The following RABGAP1L variants were observed in gnomAD, a reference collection of about 807,000 sequenced individuals.
The protein encoded by RABGAP1L is RAB GTPase activating protein 1 like, also known as rab GTPase-activating protein 1-like.
In RABGAP1L, 63 loss-of-function variants were observed where a neutral mutation model predicts 137.7. That is an observed-to-expected ratio of 0.46 (90% CI 0.37 to 0.56). The LOEUF (loss-of-function observed/expected upper bound fraction) is 0.56. Among genes scored for constraint, RABGAP1L ranks in the 20% least tolerant of loss-of-function variants. The pLI is 0.00. For missense variants in RABGAP1L, 1,095 were observed against 1,244.0 expected (o/e 0.88, Z 1.80); for synonymous variants, 431 against 433.7 (o/e 0.99, Z 0.08).
At chr1:174,278,890 G>C (rs1471803342) in intron 10 of RABGAP1L, 111 bp downstream of exon 10, 2 of 949,462 alleles carry the variant, frequency 2.1e-6, no homozygotes, top group Admixed American at 6.1e-5. Context: ...ATTCCTCAAA[G>C]AAATCAAATG....
intron 13 of RABGAP1L, among the ~76,000 whole-genome samples, chr1:174,619,124 G>A (rs1672195788): frequency 6.6e-6 from 1 of 152,190 alleles, no homozygotes; most frequent in African/African-American, 2.4e-5. Flanking sequence ...AAGCCTCCAA[G>A]AAATATGGGA....
intron 19 of RABGAP1L, among the ~76,000 whole-genome samples, chr1:174,901,986 GT>G (rs1658218163): frequency 6.6e-6 from 1 of 152,176 alleles, no homozygotes; most frequent in Non-Finnish European, 1.5e-5. Flanking sequence ...AGTTGCCTCA[GT>G]TTTTCCTGTA....
intron 13 of RABGAP1L, among the ~76,000 whole-genome samples, chr1:174,419,706 T>A (rs188609804): frequency 6.6e-6 from 1 of 152,342 alleles, no homozygotes; most frequent in East Asian, 1.9e-4. Context: ...GAGCTAAAGT[T>A]ACTTGCCTTA....
At chr1:174,387,265 C>T (rs1686871923) in intron 12 of RABGAP1L, among the ~76,000 whole-genome samples, 1 of 152,154 alleles carries the variant, frequency 6.6e-6, no homozygotes, top group African/African-American at 2.4e-5. Context: ...TCTTAATCAT[C>T]TATTCTTTCT....
rs959906522 is a variant in RABGAP1L at position 174,567,686 on chromosome 1, A to G, written c.1711-69689A>G. 4.6e-5 allele frequency among the ~76,000 whole-genome samples: 7 copies of G among 152,190 alleles called. 1 individual carries two copies. The East Asian group carries it at 7.7e-4, about 17-fold the overall frequency. ...TATAAGTGCTATTTGGCTGTTTGCT[A>G]TCATTGTTATTAGTTGATGAGAGCT... On this transcript the variant is annotated intron_variant, in intron 13 of 25. Transcript: ENST00000681986.
At chr1:174,230,709 C>G (rs1024676505) in intron 3 of RABGAP1L, among the ~76,000 whole-genome samples, 2 of 152,098 alleles carry the variant, frequency 1.3e-5, no homozygotes, top group Non-Finnish European at 2.9e-5. Flanking sequence ...GAATTTACAG[C>G]TATCTGGGAA....
At chr1:174,550,993 T>TACATATATATATATATATATATAC (rs1553330258) in intron 13 of RABGAP1L, among the ~76,000 whole-genome samples, 1 of 64,472 alleles carries the variant, frequency 1.6e-5, no homozygotes, top group Admixed American at 1.5e-4. Flanking sequence ...CATATATATA[T>TACATATATATATATATATATATAC]ATACACATAT....
chr1:174,660,606 C>T (rs1382930932), intron 14 of RABGAP1L, among the ~76,000 whole-genome samples: 1 of 152,176 alleles, frequency 6.6e-6, no homozygotes, highest in Non-Finnish European at 1.5e-5. Flanking sequence ...CGGTGATTTA[C>T]CAGGCTGTAA....
intron 3 of RABGAP1L, among the ~76,000 whole-genome samples, chr1:174,228,700 C>T (rs1670387306): frequency 6.6e-6 from 1 of 152,004 alleles, no homozygotes; most frequent in African/African-American, 2.4e-5. Flanking sequence ...GGTGAAGTTG[C>T]ATATTTTAGT....
Position 174,677,085 on chromosome 1 carries a change from G to A in RABGAP1L, c.1825-6437G>A, listed in dbSNP as rs554079771. ...GCGTGTAATCCAAGCACTCTGGATG[G>A]CTGAGGCAGAAGGAACACTTGAATT... On this transcript the variant is annotated intron_variant, in intron 14 of 25. Coordinates refer to ENST00000681986, the MANE Select transcript of RABGAP1L (RefSeq NM_001366446.1). 1.8e-4 allele frequency among the ~76,000 whole-genome samples: 27 copies of A among 150,956 alleles called. No homozygotes were observed. The South Asian group carries it at 5.2e-3, about 29-fold the overall frequency.
intron 11 of RABGAP1L, among the ~76,000 whole-genome samples, chr1:174,344,681 TGA>T (rs1216267018): frequency 1.3e-5 from 2 of 152,198 alleles, no homozygotes; most frequent in Non-Finnish European, 2.9e-5. Context: ...GGAAACAGGC[TGA>T]GTGACTGATT....
intron 1 of RABGAP1L, among the ~76,000 whole-genome samples, chr1:174,168,339 A>G (rs952214548): frequency 6.6e-6 from 1 of 151,942 alleles, no homozygotes; most frequent in African/African-American, 2.4e-5. Flanking sequence ...TGAAAAATCA[A>G]CCATTGAAGG....
chr1:174,973,347 G>A (rs1009028566), intron 21 of RABGAP1L, among the ~76,000 whole-genome samples: 2 of 151,046 alleles, frequency 1.3e-5, no homozygotes, highest in Non-Finnish European at 3.0e-5. Context: ...CCTCGGGGAA[G>A]TGTTTTTCCC....
intron 19 of RABGAP1L, among the ~76,000 whole-genome samples, chr1:174,941,649 G>A (rs920954409): frequency 6.6e-6 from 1 of 151,656 alleles, no homozygotes; most frequent in Non-Finnish European, 1.5e-5. Context: ...AGTCTTTGGA[G>A]GCACTGATAT....
intron 17 of RABGAP1L, among the ~76,000 whole-genome samples, chr1:174,732,213 A>C (rs1367493909): frequency 6.6e-6 from 1 of 151,512 alleles, no homozygotes; most frequent in South Asian, 2.1e-4. Flanking sequence ...AAAAAAAAAA[A>C]CATGGATTGT....
At chr1:174,274,652 G>C (rs1674827236) in intron 8 of RABGAP1L, among the ~76,000 whole-genome samples, 1 of 150,492 alleles carries the variant, frequency 6.6e-6, no homozygotes, top group African/African-American at 2.5e-5. Flanking sequence ...AGGAGAGAAA[G>C]AGACCATTAT....
At chr1:174,323,273 A>T (rs981554107) in intron 11 of RABGAP1L, among the ~76,000 whole-genome samples, 1 of 152,086 alleles carries the variant, frequency 6.6e-6, no homozygotes, top group African/African-American at 2.4e-5. Context: ...TATTATATAT[A>T]AGGAAGAAGA....
At chr1:174,861,417 T>C (rs1304393051) in intron 19 of RABGAP1L, among the ~76,000 whole-genome samples, 1 of 152,174 alleles carries the variant, frequency 6.6e-6, no homozygotes, top group African/African-American at 2.4e-5. Flanking sequence ...GCAGCGAATG[T>C]AGGAGTGCAA....
chr1:174,386,206 G>A (rs1479269174), intron 12 of RABGAP1L, among the ~76,000 whole-genome samples: 2 of 152,194 alleles, frequency 1.3e-5, no homozygotes, highest in Non-Finnish European at 2.9e-5. Context: ...TATGTGCCAG[G>A]TTCTGTTCTA....
Sources: allele counts gnomAD v4.1 joint callset (sites outside exome capture counted in the v4.1 genomes callset), GRCh38; gene constraint gnomAD v4.1.1; transcripts MANE v1.5; gene names NCBI Gene and HGNC (gene_info 2026-07-23, HGNC 2026-07-21).